Variants in PLEKHG4B observed in about 807,000 individuals in gnomAD.
PLEKHG4B encodes pleckstrin homology domain-containing family G member 4B.
Under a neutral mutation model 121.3 loss-of-function variants are expected in PLEKHG4B, and 111 were observed. That is an observed-to-expected ratio of 0.92 (90% confidence interval 0.78 to 1.07). The LOEUF (loss-of-function observed/expected upper bound fraction) is 1.07, where lower values mean the gene tolerates loss of function less well. PLEKHG4B is among the 50% of genes least tolerant of loss of function. The pLI, the probability that PLEKHG4B is intolerant of heterozygous loss-of-function variation, is 0.00. For missense variants in PLEKHG4B, 1,831 were observed against 1,757.8 expected (o/e 1.04, Z -0.74); for synonymous variants, 738 against 725.0 (o/e 1.02, Z -0.29).
Position 140,650 on chromosome 5 carries a change from G to C in PLEKHG4B, c.1411G>C (p.Gly471Arg), listed in dbSNP as rs754431912. The C allele has an allele frequency of 1.2e-5, 20 of 1,608,286 alleles. No individual in the cohort carries two copies. The highest frequency in any genetic ancestry group is 1.7e-5 in the Admixed American group (1 of 59,520). The stretch of plus-strand genomic sequence containing the variant: ...AGGCTCCAGGCCTGGGGGCCACCTA[G>C]GAGGACAAGCTGTGGGGACCCCAAA... ...SAGSRPGGHL[G>R]GQAVGTPNCV... The change falls in exon 3 of 20, where the codon GGA becomes CGA. Residue 471 changes from glycine (G) to arginine (R), a missense_variant. Physicochemically the swap from Gly to Arg is moderately radical, Grantham distance 125. Transcript: ENST00000637938.
At chr5:180,240 A>C (rs1258645541) in intron 18 of PLEKHG4B, among the ~76,000 whole-genome samples, 1 of 151,960 alleles carries the variant, frequency 6.6e-6, no homozygotes, top group Non-Finnish European at 1.5e-5. Context: ...ATCTGAATGC[A>C]CTCCGGGGAG....
intron 6 of PLEKHG4B, 66 bp downstream of exon 6, chr5:144,986 GC>G: frequency 1.4e-6 from 2 of 1,461,288 alleles, no homozygotes; most frequent in Non-Finnish European, 9.5e-7. Context: ...TGCTGGGGCT[GC>G]CCACATCGTG....
chr5:122,184 T>A (rs1734488503), intron 2 of PLEKHG4B, among the ~76,000 whole-genome samples: 1 of 151,842 alleles, frequency 6.6e-6, no homozygotes. Flanking sequence ...ATTCAAGAGA[T>A]AAAATGGAAT....
In PLEKHG4B at chr5:178,429, G is replaced by A. The variant is rs143067580; in HGVS notation, c.4403-3085G>A. On this transcript the variant is annotated intron_variant, in intron 18 of 19. Transcript: ENST00000637938. Reference sequence around the variant, plus strand: ...ATTTTGGTAAATTTTCCATGTGCACGTGAAGAGAAAGTGTGCTTTGTAGTT... The same window carrying A: ...ATTTTGGTAAATTTTCCATGTGCACATGAAGAGAAAGTGTGCTTTGTAGTT... Among the ~76,000 whole-genome samples the A allele has an allele frequency of 5.0e-3, 759 of 152,324 alleles. 7 individuals carry two copies. The highest frequency in any genetic ancestry group is 0.017 in the African/African-American group (712 of 41,568).
Position 163,180 on chromosome 5 carries a change from A to G in PLEKHG4B, c.3108A>G (p.Pro1036=), listed in dbSNP as rs1736097108. 1 of 1,575,896 alleles carries G rather than the reference A, an allele frequency of 6.3e-7. No homozygotes were observed. ...LRPGLCALWD[P]LSLLRGLPGA... ...CAGGGCTGTGTGCTCTGTGGGACCC[A>G]CTGTCCCTCCTCAGGGGCCTTCCAG... is the stretch of plus-strand genomic sequence containing the variant. The change falls in exon 13 of 20, where the codon CCA becomes CCG. Residue 1036 remains proline (P), a synonymous_variant. Coordinates refer to ENST00000637938, the MANE Select transcript of PLEKHG4B (RefSeq NM_052909.5).
intron 2 of PLEKHG4B, among the ~76,000 whole-genome samples, chr5:119,455 G>C (rs1212729803): frequency 6.6e-6 from 1 of 152,102 alleles, no homozygotes; most frequent in Non-Finnish European, 1.5e-5. Flanking sequence ...GCTAAATAAA[G>C]GATGACAAAA....
rs1458463968 is a variant in PLEKHG4B at position 156,495 on chromosome 5, C to T, written c.2349-278C>T. Among the ~76,000 whole-genome samples the T allele has an allele frequency of 6.6e-6, 1 of 151,950 alleles. No individual in the cohort carries two copies. Among genetic ancestry groups the T allele is most frequent in the Non-Finnish European group, 1.5e-5 (1 of 67,982 alleles). Reference sequence around the variant, plus strand: ...CTGCCTGGGGAGCTGTGCCCACCCCCAGCAGTCCCTGTCCATCTCAGCTGC... The same window carrying T: ...CTGCCTGGGGAGCTGTGCCCACCCCTAGCAGTCCCTGTCCATCTCAGCTGC... On this transcript the variant is annotated intron_variant, in intron 10 of 19. Coordinates refer to ENST00000637938, the MANE Select transcript of PLEKHG4B (RefSeq NM_052909.5). This position sits in a 1 kb window ranked among gnomAD's most constrained non-coding sequence, Gnocchi z 4.4.
chr5:112,045 A>T (rs1734174415), intron 1 of PLEKHG4B, among the ~76,000 whole-genome samples: 1 of 152,268 alleles, frequency 6.6e-6, no homozygotes, highest in Non-Finnish European at 1.5e-5. Flanking sequence ...AAATTAGATC[A>T]CATAGCATTT....
At chr5:93,126 G>T (rs1733522069) in intron 1 of PLEKHG4B, among the ~76,000 whole-genome samples, 1 of 152,098 alleles carries the variant, frequency 6.6e-6, no homozygotes, top group Non-Finnish European at 1.5e-5. Flanking sequence ...GTCTAATTAA[G>T]AATTGAAACA....
intron 14 of PLEKHG4B, among the ~76,000 whole-genome samples, 155 bp from the exon 15 acceptor site, chr5:170,888 T>C (rs1285276359): frequency 6.6e-6 from 1 of 152,148 alleles, no homozygotes; most frequent in African/African-American, 2.4e-5. Flanking sequence ...TAGTCTTTAA[T>C]GAAGGGCCGA....
At chr5:169,179 C>T (rs1028468459) in intron 13 of PLEKHG4B, 161 bp from the exon 14 acceptor site, 2 of 996,982 alleles carry the variant, frequency 2.0e-6, no homozygotes, top group African/African-American at 1.6e-5. Flanking sequence ...TGGCCGGAAG[C>T]TTTTTTATCG....
chr5:152,694 A>G (rs1031769946), intron 7 of PLEKHG4B, among the ~76,000 whole-genome samples: 4 of 151,964 alleles, frequency 2.6e-5, no homozygotes, highest in African/African-American at 9.7e-5. Flanking sequence ...TTACTCTGTC[A>G]TCTCTTCAGC....
chr5:156,717 G>C lies in PLEKHG4B; in HGVS notation c.2349-56G>C. ...GGTTTTTATATGGGGTTGTCACCAA[G>C]AGCAGATTCCTCAAGGGGCCGCCTG... On this transcript the variant is annotated intron_variant, in intron 10 of 19. Transcript: ENST00000637938. This position sits in a 1 kb window ranked among gnomAD's most constrained non-coding sequence, Gnocchi z 4.4. 1 of 1,514,212 alleles carries C rather than the reference G, an allele frequency of 6.6e-7. No homozygotes were observed. Among genetic ancestry groups the C allele is most frequent in the Non-Finnish European group, 8.9e-7 (1 of 1,126,066 alleles). The allele number at this position is 1,514,212 out of a possible 1,614,324, so 93.8% of individuals were successfully genotyped here. A position where few individuals can be genotyped will look rare whatever the true frequency, so the allele number is the denominator to read the frequency against.
intron 2 of PLEKHG4B, among the ~76,000 whole-genome samples, chr5:134,079 ATAT>A (rs1416020198): frequency 2.7e-3 from 20 of 7,274 alleles, no homozygotes; most frequent in African/African-American, 2.5e-3. Context: ...ATGATAGAAT[ATAT>A]ATATATATAT....
intron 2 of PLEKHG4B, among the ~76,000 whole-genome samples, chr5:124,497 C>T (rs1357266894): frequency 2.0e-5 from 3 of 152,184 alleles, no homozygotes; most frequent in African/African-American, 4.8e-5. Context: ...AAGTCTCCAA[C>T]AATTATTGTA....
Position 140,007 on chromosome 5 carries a change from G to A in PLEKHG4B, c.768G>A (p.Gly256=). 2.4e-6 allele frequency: 1 copy of A among 410,322 alleles called. No individual in the cohort carries two copies. The highest frequency in any genetic ancestry group is 4.3e-6 in the Non-Finnish European group (1 of 232,806). 25.4% of individuals were successfully genotyped at this position (410,322 alleles called of 1,614,324 possible). The change falls in exon 3 of 20, where the codon GGG becomes GGA. Residue 256 remains glycine (G), a synonymous_variant. Transcript: ENST00000637938. ...CCCTGACCTCACCCTGCCGCCGAGG[G>A]CATACGGGCAGCGACCAGCTCAGGC... ...PDTLTSPCRR[G]HTGSDQLRHL...
rs1560899828 is a variant in PLEKHG4B at position 109,424 on chromosome 5, C to CATAT, written c.46-3826_46-3825insTATA. On this transcript the variant is annotated intron_variant, in intron 1 of 19. Coordinates refer to ENST00000637938, the MANE Select transcript of PLEKHG4B (RefSeq NM_052909.5). ...AAAAAAAAAAAAAAAAAAAAAAATC[C>CATAT]AGCCAGAGGCAAAGGCCACAGCAGT... Among the ~76,000 whole-genome samples the CATAT allele has an allele frequency of 2.6e-4, 33 of 126,452 alleles. 2 individuals are homozygous for CATAT. The highest frequency in any genetic ancestry group is 2.9e-4 in the Non-Finnish European group (17 of 59,168). The allele number at this position is 126,452 out of a possible 152,430, so 83.0% of individuals were successfully genotyped here. A position where few individuals can be genotyped will look rare whatever the true frequency, so the allele number is the denominator to read the frequency against.
chr5:139,706 G>T lies in PLEKHG4B; in HGVS notation c.467G>T (p.Gly156Val). The change falls in exon 3 of 20, where the codon GGC becomes GTC. Residue 156 changes from glycine to valine, a missense_variant. Coordinates refer to ENST00000637938, the MANE Select transcript of PLEKHG4B (RefSeq NM_052909.5). The surrounding 1 kb of genome is among the most constrained non-coding windows in gnomAD (Gnocchi z 5.0). ...EEVTVPEAMY[G>V]CVFTGAFLEW... ...GTCACCGTCCCTGAGGCCATGTATG[G>T]CTGTGTCTTCACGGGGGCGTTCCTG... 2.5e-6 allele frequency: 1 copy of T among 398,944 alleles called. No homozygotes were observed. The highest frequency in any genetic ancestry group is 4.4e-6 in the Non-Finnish European group (1 of 226,168). The allele number at this position is 398,944 out of a possible 1,614,324, so 24.7% of individuals were successfully genotyped here.
chr5:152,199 TTCTG>T (rs1735627950), intron 7 of PLEKHG4B, among the ~76,000 whole-genome samples: 1 of 151,740 alleles, frequency 6.6e-6, no homozygotes, highest in African/African-American at 2.4e-5. Flanking sequence ...TAGCCATTCT[TTCTG>T]TCTTTTTTTT....
Sources: allele counts gnomAD v4.1 joint callset (sites outside exome capture counted in the v4.1 genomes callset), GRCh38; gene constraint gnomAD v4.1.1; non-coding constraint Gnocchi (gnomAD v3.1); transcripts MANE v1.5; gene names NCBI Gene and HGNC (gene_info 2026-07-23, HGNC 2026-07-21).